The following DCX variants were observed in gnomAD, a reference collection of about 807,000 sequenced individuals.
The protein encoded by DCX is neuronal migration protein doublecortin.
In DCX, 4 loss-of-function variants were observed where a neutral mutation model predicts 20.9. The ratio of observed to expected loss-of-function variants is 0.19; its 90% CI spans 0.09 to 0.44. The LOEUF (loss-of-function observed/expected upper bound fraction) is 0.44. Among genes scored for constraint, DCX ranks in the 20% least tolerant of loss-of-function variants. The probability of loss-of-function intolerance (pLI) is 0.99; values close to 1 mark genes in which losing one functional copy is unlikely to be tolerated. For missense variants in DCX, 133 were observed against 296.9 expected (o/e 0.45, Z 4.06); for synonymous variants, 103 against 111.4 (o/e 0.92, Z 0.47).
intron 3 of DCX, among the ~76,000 whole-genome samples, chrX:111,380,411 T>C (rs1925879348): frequency 8.9e-6 from 1 of 111,848 alleles, no homozygotes; most frequent in Admixed American, 9.5e-5. Flanking sequence ...TCCAGCACTG[T>C]TTGCTGAAAA....
intron 5 of DCX, among the ~76,000 whole-genome samples, chrX:111,313,196 T>C (rs1180189647): frequency 9.0e-6 from 1 of 110,891 alleles, no homozygotes; most frequent in East Asian, 2.8e-4. Context: ...TGCCAGATGA[T>C]GGGGTAGGTG....
intron 5 of DCX, among the ~76,000 whole-genome samples, chrX:111,328,337 G>A (rs925346033): frequency 1.8e-5 from 2 of 111,356 alleles, no homozygotes; most frequent in Admixed American, 9.6e-5. Context: ...ATATATTCAC[G>A]TTATATCTCT....
At chrX:111,321,584 TG>T (rs1213155494) in intron 5 of DCX, among the ~76,000 whole-genome samples, 1 of 110,911 alleles carries the variant, frequency 9.0e-6, no homozygotes, top group Non-Finnish European at 1.9e-5. Context: ...TGTGTGTGGA[TG>T]GGGTAGGGAG....
At chrX:111,303,130 C>T (rs918238054) in intron 6 of DCX, among the ~76,000 whole-genome samples, 1 of 108,048 alleles carries the variant, frequency 9.3e-6, no homozygotes, top group Non-Finnish European at 1.9e-5. Context: ...CTCTGTCACC[C>T]AGGCTGGAGT....
At position 111,332,767 on chromosome X, in the gene DCX, G is replaced by C. The variant is rs17222328; in HGVS notation, c.808+284C>G. Among the ~76,000 whole-genome samples the C allele has an allele frequency of 0.051, 5,748 of 111,784 alleles. 168 individuals are homozygous for C. Among genetic ancestry groups the C allele is most frequent in the Non-Finnish European group, 0.081 (4,302 of 53,067 alleles). On this transcript the variant is annotated intron_variant, in intron 4 of 6. Transcript: ENST00000636035. ...TCCTTCCTGTGGTCTGATTGTGCCTGTTATCCCATGTGACACAATATATGG... is the reference window on the plus strand; with the variant it reads ...TCCTTCCTGTGGTCTGATTGTGCCTCTTATCCCATGTGACACAATATATGG...
At chrX:111,399,705 G>C (rs1399384300) in intron 3 of DCX, among the ~76,000 whole-genome samples, 1 of 111,760 alleles carries the variant, frequency 8.9e-6, no homozygotes, top group Non-Finnish European at 1.9e-5. Flanking sequence ...TACTTAGACA[G>C]CTCCTGTTTA....
chrX:111,357,105 T>C (rs932415902), intron 3 of DCX, among the ~76,000 whole-genome samples: 1 of 111,789 alleles, frequency 8.9e-6, no homozygotes, highest in African/African-American at 3.3e-5. Flanking sequence ...TAGAGAAAAA[T>C]AGATATTAAC....
At chrX:111,308,918 T>C (rs1353017323) in intron 6 of DCX, among the ~76,000 whole-genome samples, 1 of 109,797 alleles carries the variant, frequency 9.1e-6, no homozygotes, top group African/African-American at 3.3e-5. Flanking sequence ...AGGGGATCCT[T>C]AATAAATTTT....
intron 3 of DCX, among the ~76,000 whole-genome samples, chrX:111,368,017 C>A (rs887291978): frequency 6.3e-5 from 7 of 111,368 alleles, no homozygotes; most frequent in Non-Finnish European, 1.1e-4. Flanking sequence ...CCACAGGCTG[C>A]GGGGTGGAAG....
Position 111,331,085 on chromosome X carries a change from G to A in DCX, c.809-44C>T, listed in dbSNP as rs145046303. 1.1e-3 allele frequency: 1,325 copies of A among 1,198,263 alleles called. 15 individuals carry two copies. In the East Asian group the frequency reaches 0.037, roughly 33 times the overall value. ...GACAGCTTAGTAGAGGATAAAACAG[G>A]CTCAGCATGTTATCAGCCTCTGGAA... is the stretch of plus-strand genomic sequence containing the variant. On this transcript the variant is annotated intron_variant, in intron 4 of 6. Coordinates refer to ENST00000636035, the MANE Select transcript of DCX (RefSeq NM_001195553.2).
chrX:111,386,301 T>C (rs2147242158), intron 3 of DCX, among the ~76,000 whole-genome samples: 1 of 111,277 alleles, frequency 9.0e-6, no homozygotes, highest in South Asian at 3.9e-4. Flanking sequence ...CCAGCGCTGT[T>C]AAGCTGAGTG....
At chrX:111,379,009 C>G (rs1337337020) in intron 3 of DCX, among the ~76,000 whole-genome samples, 1 of 111,418 alleles carries the variant, frequency 9.0e-6, no homozygotes. Flanking sequence ...GCAAACCTGC[C>G]AGCACCTTGA....
chrX:111,386,874 C>T (rs999132037), intron 3 of DCX, among the ~76,000 whole-genome samples: 7 of 111,057 alleles, frequency 6.3e-5, no homozygotes, highest in African/African-American at 9.8e-5. Context: ...ATGCTGAGGA[C>T]GCAGATTTCT....
intron 3 of DCX, among the ~76,000 whole-genome samples, chrX:111,337,893 G>A (rs1921879325): frequency 8.9e-6 from 1 of 112,080 alleles, no homozygotes; most frequent in African/African-American, 3.2e-5. Flanking sequence ...AGCAAGTCAG[G>A]ATTACACAAA....
chrX:111,373,436 A>G (rs1925268362), intron 3 of DCX, among the ~76,000 whole-genome samples: 2 of 112,129 alleles, frequency 1.8e-5, no homozygotes, highest in Non-Finnish European at 3.8e-5. Context: ...CTTGACTCTC[A>G]ACCTAGAGAT....
intron 3 of DCX, among the ~76,000 whole-genome samples, chrX:111,336,312 G>T (rs1921725040): frequency 8.9e-6 from 1 of 112,161 alleles, no homozygotes; most frequent in Admixed American, 9.4e-5. Context: ...ACCCCTCTTT[G>T]GGGGAGCCTC....
At chrX:111,324,610 C>T (rs1276989494) in intron 5 of DCX, among the ~76,000 whole-genome samples, 3 of 111,534 alleles carry the variant, frequency 2.7e-5, no homozygotes, top group Non-Finnish European at 5.6e-5. Flanking sequence ...ATAGTAATTG[C>T]CTCACAAGGT....
rs1184619647 is a variant in DCX, at chrX:111,298,312, C to T, written c.*3375G>A. 1 of 111,683 alleles carries T rather than the reference C, an allele frequency of 9.0e-6. No individual in the cohort carries two copies. Among genetic ancestry groups the T allele is most frequent in the Non-Finnish European group, 1.9e-5 (1 of 53,096 alleles). The allele number at this position is 111,683 out of a possible 1,213,427, so 9.2% of individuals were successfully genotyped here. A position where few individuals can be genotyped will look rare whatever the true frequency, so the allele number is the denominator to read the frequency against. On this transcript the variant is annotated 3_prime_UTR_variant, in exon 7 of 7. Transcript: ENST00000636035. ...AATCAGATGGACAAGGCCAGGGACCCCATTGCTCCTATTGGCCCTCAATGC... is the reference window on the plus strand; with the variant it reads ...AATCAGATGGACAAGGCCAGGGACCTCATTGCTCCTATTGGCCCTCAATGC...
chrX:111,353,088 A>C (rs1300944318), intron 3 of DCX, among the ~76,000 whole-genome samples: 1 of 111,894 alleles, frequency 8.9e-6, no homozygotes, highest in Non-Finnish European at 1.9e-5. Context: ...TATGCCTAGA[A>C]AGGAGTATAA....
Sources: allele counts gnomAD v4.1 joint callset (sites outside exome capture counted in the v4.1 genomes callset), GRCh38; gene constraint gnomAD v4.1.1; transcripts MANE v1.5; gene names NCBI Gene and HGNC (gene_info 2026-07-23, HGNC 2026-07-21).